The following NHSL2 variants were observed in gnomAD, a reference collection of about 807,000 sequenced individuals.
NHSL2 encodes NHS-like protein 2.
Under a neutral mutation model 53.4 loss-of-function variants are expected in NHSL2, and 27 were observed. The ratio of observed to expected loss-of-function variants is 0.51; its 90% confidence interval spans 0.37 to 0.70. The LOEUF (loss-of-function observed/expected upper bound fraction) is 0.70. NHSL2 is among the 30% of genes least tolerant of loss of function. The probability of loss-of-function intolerance (pLI) is 0.00; values close to 1 mark genes in which losing one functional copy is unlikely to be tolerated. For missense variants in NHSL2, 892 were observed against 980.1 expected (o/e 0.91, Z 1.20); for synonymous variants, 408 against 404.1 (o/e 1.01, Z -0.12).
At chrX:71,935,438 C>A (rs73559824) in intron 1 of NHSL2, among the ~76,000 whole-genome samples, 2,059 of 112,870 alleles carry the variant, frequency 0.018, 32 homozygotes, top group African/African-American at 0.063. Context: ...TCCCAAGTGG[C>A]AATCTGTGGC....
chrX:71,972,432 T>C (rs2041929421), intron 1 of NHSL2, among the ~76,000 whole-genome samples: 2 of 112,800 alleles, frequency 1.8e-5, no homozygotes, highest in Admixed American at 1.9e-4. Context: ...ATATGTCATC[T>C]CAATACCTTC....
chrX:71,911,192 C>T lies in NHSL2; in HGVS notation c.105C>T (p.Ser35=), dbSNP rs778560014. ...ACGTGAGCCACCTGGCAGCGCTCAG[C>T]CTGCTCCGGCAGCTCGCCGACCTCT... ...LRDVSHLAAL[S]LLRQLADLCG... Residue 35 remains serine, a synonymous_variant, in exon 1 of 8, where the codon AGC becomes AGT. Coordinates refer to ENST00000633930, the MANE Select transcript of NHSL2 (RefSeq NM_001013627.3). 13 of 1,144,645 alleles carry T rather than the reference C, an allele frequency of 1.1e-5. No homozygotes were observed. The South Asian group carries it at 2.3e-4, about 21-fold the overall frequency. 94.3% of individuals were successfully genotyped at this position (1,144,645 alleles called of 1,213,427 possible).
Position 71,980,547 on chromosome X carries a change from TGTGTGTGTGTGGG to T in NHSL2, c.280+69188_280+69200del, listed in dbSNP as rs61619384. On this transcript the variant is annotated intron_variant, in intron 1 of 7. Transcript: ENST00000633930. ...CTTTTTACATGCCAAACAGTGTGTG[TGTGTGTGTGTGGG>T]GTGTGTGGGGTGTGTGTGTGTGTGT... 3.3e-3 allele frequency among the ~76,000 whole-genome samples: 13 copies of T among 3,924 alleles called. No homozygotes were observed. The South Asian group carries it at 0.23, about 68-fold the overall frequency. 3.4% of individuals were successfully genotyped at this position (3,924 alleles called of 115,157 possible).
At chrX:72,045,852 ACAGTAAAAGT>A (rs1246532694) in intron 1 of NHSL2, among the ~76,000 whole-genome samples, 3 of 112,510 alleles carry the variant, frequency 2.7e-5, no homozygotes, top group African/African-American at 9.7e-5. Context: ...GGATATGGCA[ACAGTAAAAGT>A]CTGCCAAACT....
At chrX:72,066,679 T>C (rs753387916) in intron 1 of NHSL2, among the ~76,000 whole-genome samples, 1 of 112,498 alleles carries the variant, frequency 8.9e-6, no homozygotes, top group African/African-American at 3.2e-5. Flanking sequence ...TGGGAACATC[T>C]TGAGCATGGG....
Position 72,139,546 on chromosome X carries a change from C to A in NHSL2, c.1998C>A (p.Cys666Ter), listed in dbSNP as rs1252688916. 2.5e-6 allele frequency: 3 copies of A among 1,210,758 alleles called. No individual in the cohort carries two copies. The highest frequency in any genetic ancestry group is 3.4e-6 in the Non-Finnish European group (3 of 894,838). Residue 666 changes from cysteine to a stop codon, truncating the protein, a stop_gained, in exon 6 of 8, where the codon TGC becomes TGA. Coordinates refer to ENST00000633930, the MANE Select transcript of NHSL2 (RefSeq NM_001013627.3). LOFTEE classifies it high-confidence loss of function. ...STATGTTVIE[C>*]TQVQGSSESL... is the part of the protein sequence containing the mutation. ...CCACTGGCACCACAGTCATTGAGTGCACCCAAGTTCAGGGCAGCTCAGAGT... is the reference window on the plus strand; with the variant it reads ...CCACTGGCACCACAGTCATTGAGTGAACCCAAGTTCAGGGCAGCTCAGAGT...
intron 1 of NHSL2, among the ~76,000 whole-genome samples, chrX:72,095,495 G>A (rs1409546493): frequency 8.9e-6 from 1 of 112,293 alleles, no homozygotes; most frequent in East Asian, 2.8e-4. Flanking sequence ...TCTGATTTGA[G>A]ATTCAGAAAA....
intron 1 of NHSL2, among the ~76,000 whole-genome samples, chrX:72,011,797 C>T (rs1049961379): frequency 8.9e-6 from 1 of 112,246 alleles, no homozygotes; most frequent in Non-Finnish European, 1.9e-5. Flanking sequence ...ACTGTTTTCC[C>T]TTTTAGCCGT....
At chrX:71,938,302 G>T (rs1178099320) in intron 1 of NHSL2, among the ~76,000 whole-genome samples, 1 of 111,937 alleles carries the variant, frequency 8.9e-6, no homozygotes, top group Non-Finnish European at 1.9e-5. Context: ...ATTATGCACC[G>T]ATTTTCCAGC....
chrX:71,949,023 G>A (rs1347415691), intron 1 of NHSL2, among the ~76,000 whole-genome samples: 3 of 108,816 alleles, frequency 2.8e-5, no homozygotes, highest in Non-Finnish European at 5.7e-5. Context: ...CTCTCAAAGT[G>A]CTGGGATTAC....
chrX:72,105,235 A>G (rs1459329851), intron 1 of NHSL2, among the ~76,000 whole-genome samples: 1 of 108,984 alleles, frequency 9.2e-6, no homozygotes, highest in African/African-American at 3.4e-5. Flanking sequence ...TGAGCCATGG[A>G]CCAACACCTC....
intron 1 of NHSL2, among the ~76,000 whole-genome samples, chrX:71,933,384 CT>C (rs199702755): frequency 0.096 from 9,635 of 100,271 alleles, 536 homozygotes; most frequent in African/African-American, 0.18. Flanking sequence ...GTGCACTTAA[CT>C]TTTTTTTTTT....
intron 1 of NHSL2, among the ~76,000 whole-genome samples, chrX:72,071,798 CCT>C (rs914508267): frequency 1.8e-5 from 2 of 111,793 alleles, no homozygotes; most frequent in Non-Finnish European, 3.8e-5. Flanking sequence ...ATCCTTCACT[CCT>C]CTCTCTCTCT....
At chrX:72,143,197 G>A in intron 7 of NHSL2, 56 bp from the exon 8 acceptor site, 1 of 879,595 alleles carries the variant, frequency 1.1e-6, no homozygotes, top group Non-Finnish European at 1.6e-6. Context: ...GGTCTGTGAA[G>A]CACTGGTAAA....
In NHSL2 at chrX:71,927,130, G is replaced by A. The variant is rs1008184378; in HGVS notation, c.280+15763G>A. On this transcript the variant is annotated intron_variant, in intron 1 of 7. Transcript: ENST00000633930. The stretch of plus-strand genomic sequence containing the variant: ...GAAATTCATGAAATTCCAAAAATAC[G>A]CGAGCAAGCCTTCTCTCACTAAGCA... Among the ~76,000 whole-genome samples, 3 of 112,012 alleles carry A rather than the reference G, an allele frequency of 2.7e-5. No homozygotes were observed. In the South Asian group the frequency reaches 1.1e-3, roughly 42 times the overall value.
rs746988586 is a variant in NHSL2 at position 72,143,728 on chromosome X, A to G, written c.*154A>G. On this transcript the variant is annotated 3_prime_UTR_variant, in exon 8 of 8. Transcript: ENST00000633930. ...CAGCAGGAGAGAGGCTACTTCATCT[A>G]GAGCTAAAATCATCTGGCACTTAAT... The G allele has an allele frequency of 1.5e-5, 6 of 412,094 alleles. No individual in the cohort carries two copies. Among genetic ancestry groups the G allele is most frequent in the Non-Finnish European group, 2.5e-5 (6 of 236,731 alleles). 34.0% of individuals were successfully genotyped at this position (412,094 alleles called of 1,213,427 possible).
At chrX:72,082,074 A>G (rs1184255012) in intron 1 of NHSL2, among the ~76,000 whole-genome samples, 1 of 111,881 alleles carries the variant, frequency 8.9e-6, no homozygotes. Flanking sequence ...CACCCTGTGA[A>G]GTGTGACCCT....
chrX:72,004,518 G>A (rs992767869), intron 1 of NHSL2, among the ~76,000 whole-genome samples: 1 of 111,967 alleles, frequency 8.9e-6, no homozygotes, highest in Non-Finnish European at 1.9e-5. Context: ...AGTGGGGAGG[G>A]GAGTAAGGAA....
At position 72,135,327 on chromosome X, in the gene NHSL2, G is replaced by A. The variant is rs752772956; in HGVS notation, c.760+623G>A. Among the ~76,000 whole-genome samples the A allele has an allele frequency of 7.1e-5, 8 of 112,106 alleles. No homozygotes were observed. The East Asian group carries it at 2.0e-3, about 27-fold the overall frequency. ...GAGTGGGGAACGTGCTGTATTATAT[G>A]TAGCCCAGCTGGCTGTGGCTCTGGG... On this transcript the variant is annotated intron_variant, in intron 4 of 7. Coordinates refer to ENST00000633930, the MANE Select transcript of NHSL2 (RefSeq NM_001013627.3).
Sources: gnomAD v4.1 joint callset for allele counts (sites outside exome capture counted in the v4.1 genomes callset) on GRCh38, gnomAD v4.1.1 for gene constraint, MANE v1.5 for transcripts, NCBI Gene and HGNC (gene_info 2026-07-23, HGNC 2026-07-21) for gene names.